TPD52: variants seen among roughly 807,000 people sequenced by gnomAD.
TPD52 encodes the protein tumor protein D52.
Under a neutral mutation model 31.3 loss-of-function variants are expected in TPD52, and 17 were observed. That is an observed-to-expected ratio of 0.54 (90% CI 0.37 to 0.82). TPD52 has a LOEUF of 0.82. Among genes scored for constraint, TPD52 ranks in the 40% least tolerant of loss-of-function variants. The pLI, the probability that TPD52 is intolerant of heterozygous loss-of-function variation, is 0.00. For missense variants in TPD52, 212 were observed against 240.1 expected (o/e 0.88, Z 0.77); for synonymous variants, 83 against 89.6 (o/e 0.93, Z 0.42).
chr8:80,171,030 C>G (rs1812048353), intron 1 of TPD52: 1 of 471,454 alleles, frequency 2.1e-6, no homozygotes, highest in African/African-American at 2.0e-5. Context: ...CCTGGAGGGA[C>G]GAGAGCGACT....
intron 2 of TPD52, among the ~76,000 whole-genome samples, chr8:80,062,639 T>A (rs913855776): frequency 6.6e-6 from 1 of 152,136 alleles, no homozygotes; most frequent in Non-Finnish European, 1.5e-5. Flanking sequence ...GTGTTAATAC[T>A]GTGAAAACAG....
chr8:80,075,481 T>C (rs1014830872), intron 1 of TPD52, among the ~76,000 whole-genome samples: 1 of 151,954 alleles, frequency 6.6e-6, no homozygotes, highest in Non-Finnish European at 1.5e-5. Flanking sequence ...ACAGAAAGAG[T>C]GGACAAAGAA....
At chr8:80,098,735 G>T (rs1449739992) in intron 1 of TPD52, among the ~76,000 whole-genome samples, 1 of 152,246 alleles carries the variant, frequency 6.6e-6, no homozygotes, top group Non-Finnish European at 1.5e-5. Context: ...TAAAGCAGCA[G>T]CAGGGTTTGA....
intron 1 of TPD52, among the ~76,000 whole-genome samples, chr8:80,148,223 G>A (rs1810333555): frequency 6.6e-6 from 1 of 151,842 alleles, no homozygotes; most frequent in Admixed American, 6.6e-5. Context: ...CACAATCACA[G>A]CTCACTGAAG....
In TPD52 at chr8:80,126,551, G is replaced by A. The variant is rs190438399; in HGVS notation, c.19+44874C>T. ...GGCTGGAGGGCAGTGGTGCAATTTC[G>A]GCTCACTGCAACCTCCACCTCCTGG... On this transcript the variant is annotated intron_variant, in intron 1 of 7. Coordinates refer to ENST00000518937, the MANE Select transcript of TPD52 (RefSeq NM_001025253.3). Among the ~76,000 whole-genome samples the A allele has an allele frequency of 1.4e-4, 21 of 145,854 alleles. No individual in the cohort carries two copies. In the East Asian group the frequency reaches 3.6e-3, roughly 25 times the overall value.
At chr8:80,136,340 C>A (rs369209515) in intron 1 of TPD52, among the ~76,000 whole-genome samples, 1 of 150,452 alleles carries the variant, frequency 6.6e-6, no homozygotes, top group Non-Finnish European at 1.5e-5. Context: ...CTGGCTAACA[C>A]GGTGAAACCC....
intron 1 of TPD52, among the ~76,000 whole-genome samples, chr8:80,132,233 T>C (rs1298497682): frequency 6.6e-6 from 1 of 152,104 alleles, no homozygotes; most frequent in Non-Finnish European, 1.5e-5. Context: ...ACTGTTTGTG[T>C]GAGGATTTAG....
intron 1 of TPD52, among the ~76,000 whole-genome samples, chr8:80,094,230 T>A (rs896346900): frequency 6.6e-6 from 1 of 151,684 alleles, no homozygotes; most frequent in African/African-American, 2.4e-5. Flanking sequence ...TATGAAACCA[T>A]ACAATTACTG....
rs145180987 is a variant in TPD52, at chr8:80,141,000, C to T, written c.19+30425G>A. On this transcript the variant is annotated intron_variant, in intron 1 of 7. Coordinates refer to ENST00000518937, the MANE Select transcript of TPD52 (RefSeq NM_001025253.3). ...GTGTGTGTGTAGAAAGAGTATCAAT[C>T]ATGACATTATGAGGCATGGATGAAC... is the stretch of plus-strand genomic sequence containing the variant. 2.5e-3 allele frequency among the ~76,000 whole-genome samples: 334 copies of T among 133,378 alleles called. 3 individuals are homozygous for T. Among genetic ancestry groups the T allele is most frequent in the African/African-American group, 9.0e-3 (308 of 34,206 alleles). 87.5% of individuals were successfully genotyped at this position (133,378 alleles called of 152,430 possible). A position where few individuals can be genotyped will look rare whatever the true frequency, so the allele number is the denominator to read the frequency against.
intron 7 of TPD52, among the ~76,000 whole-genome samples, chr8:80,039,954 T>A (rs1344097562): frequency 2.0e-5 from 3 of 152,098 alleles, no homozygotes; most frequent in Admixed American, 6.6e-5. Context: ...TGTCTAGGCA[T>A]CTTGCAGAAG....
intron 2 of TPD52, among the ~76,000 whole-genome samples, chr8:80,061,372 C>A (rs532297301): frequency 1.8e-5 from 2 of 110,984 alleles, no homozygotes; most frequent in Admixed American, 9.9e-5. Context: ...ACCTTCCCCC[C>A]CACCGCCCCC....
chr8:80,117,689 AAG>A (rs1807958740), intron 1 of TPD52, among the ~76,000 whole-genome samples: 1 of 151,970 alleles, frequency 6.6e-6, no homozygotes, highest in Non-Finnish European at 1.5e-5. Flanking sequence ...ACAATCTTGA[AAG>A]AGAGAACAAC....
intron 1 of TPD52, among the ~76,000 whole-genome samples, chr8:80,143,369 C>G (rs1809969304): frequency 6.6e-6 from 1 of 152,190 alleles, no homozygotes; most frequent in Non-Finnish European, 1.5e-5. Flanking sequence ...GAATGAGGGT[C>G]CAGGGTTGAA....
At chr8:80,085,252 G>A (rs1013443592) in intron 1 of TPD52, among the ~76,000 whole-genome samples, 4 of 152,370 alleles carry the variant, frequency 2.6e-5, no homozygotes, top group African/African-American at 9.6e-5. Flanking sequence ...GGTGCAGCCA[G>A]TAAAGTGCGT....
At chr8:80,138,213 G>GA (rs1809574562) in intron 1 of TPD52, among the ~76,000 whole-genome samples, 1 of 152,170 alleles carries the variant, frequency 6.6e-6, no homozygotes. Context: ...AAAGTGCTGA[G>GA]ATAACAGGCA....
chr8:80,167,636 C>G (rs980114121), intron 1 of TPD52, among the ~76,000 whole-genome samples: 2 of 152,188 alleles, frequency 1.3e-5, no homozygotes, highest in Non-Finnish European at 2.9e-5. Context: ...ATCCATTATT[C>G]TCTACATTTG....
At chr8:80,038,285 G>T (rs746343740) in intron 7 of TPD52, 50 bp from the exon 8 acceptor site, 2 of 1,594,828 alleles carry the variant, frequency 1.3e-6, no homozygotes, top group Non-Finnish European at 1.7e-6. Context: ...CATAAAACTA[G>T]CTGATTCTGC....
chr8:80,038,891 T>C (rs1810113507), intron 7 of TPD52, among the ~76,000 whole-genome samples: 1 of 152,344 alleles, frequency 6.6e-6, no homozygotes, highest in Admixed American at 6.5e-5. Context: ...TGGCCTGAAA[T>C]TTTGCCAATA....
At chr8:80,050,278 G>C (rs1056620363) in intron 5 of TPD52, 167 bp downstream of exon 5, 7 of 522,910 alleles carry the variant, frequency 1.3e-5, no homozygotes, top group Non-Finnish European at 2.0e-5. Context: ...TGGTATACAA[G>C]AAACCCTCCC....
Sources: gnomAD v4.1 joint callset for allele counts (sites outside exome capture counted in the v4.1 genomes callset) on GRCh38, gnomAD v4.1.1 for gene constraint, MANE v1.5 for transcripts, NCBI Gene and HGNC (gene_info 2026-07-23, HGNC 2026-07-21) for gene names.